WDR33: variants seen among roughly 807,000 people sequenced by gnomAD.
The protein encoded by WDR33 is pre-mRNA 3' end processing protein WDR33.
WDR33 carries 47 observed loss-of-function variants against 164.9 expected under a neutral mutation model. That is an observed-to-expected ratio of 0.29 (90% CI 0.23 to 0.36). The LOEUF is 0.36. Ranked by LOEUF, WDR33 falls within the 10% of genes least tolerant of loss-of-function variation. The probability of loss-of-function intolerance (pLI) is 1.00; values close to 1 mark genes in which losing one functional copy is unlikely to be tolerated. For missense variants in WDR33, 1,137 were observed against 1,754.1 expected (o/e 0.65, Z 6.28); for synonymous variants, 505 against 589.0 (o/e 0.86, Z 2.06).
At chr2:127,809,006 G>A (rs892042227) in intron 1 of WDR33, among the ~76,000 whole-genome samples, 7 of 144,976 alleles carry the variant, frequency 4.8e-5, no homozygotes, top group Non-Finnish European at 3.0e-5. Context: ...ACTCCAGCCT[G>A]GGCGACAGAG....
chr2:127,809,549 C>T (rs1689571959), intron 1 of WDR33, among the ~76,000 whole-genome samples: 1 of 150,196 alleles, frequency 6.7e-6, no homozygotes, highest in African/African-American at 2.5e-5. Context: ...GATTCTCTTG[C>T]CTCAGCCTCC....
At position 127,724,108 on chromosome 2, in the gene WDR33, T is replaced by C. The variant is rs1454774199; in HGVS notation, c.1196+225A>G. ...AAATAAATAAATAAAAGTGGAAAACTTCTGTTTTAAGTCAGAAGGCAAAAC... is the reference window on the plus strand; with the variant it reads ...AAATAAATAAATAAAAGTGGAAAACCTCTGTTTTAAGTCAGAAGGCAAAAC... On this transcript the variant is annotated intron_variant, in intron 11 of 21. Transcript: ENST00000322313. The surrounding 1 kb of genome is among the most constrained non-coding windows in gnomAD (Gnocchi z 4.8). 6.6e-6 allele frequency among the ~76,000 whole-genome samples: 1 copy of C among 152,074 alleles called. No individual in the cohort carries two copies. The highest frequency in any genetic ancestry group is 1.9e-4 in the East Asian group (1 of 5,196).
rs1686207193 is a variant in WDR33 at position 127,712,510 on chromosome 2, G to C, written c.3308+1073C>G. 1.3e-5 allele frequency among the ~76,000 whole-genome samples: 2 copies of C among 152,162 alleles called. No homozygotes were observed. The highest frequency in any genetic ancestry group is 1.3e-4 in the Admixed American group (2 of 15,282). ...CAGCATGGGCCTGAAGCCCAGCTCT[G>C]ACACCTACCACCTGCCAGACCTCGG... On this transcript the variant is annotated intron_variant, in intron 18 of 21. Transcript: ENST00000322313. This position sits in a 1 kb window ranked among gnomAD's most constrained non-coding sequence, Gnocchi z 4.0.
rs1428309742 is a variant in WDR33 at position 127,770,322 on chromosome 2, T to C, written c.204+456A>G. ...TCTTCCTAAATTAGCCAATTTGAAATTCCACCGTGTCCCACTAATTCAACT... is the reference window on the plus strand; with the variant it reads ...TCTTCCTAAATTAGCCAATTTGAAACTCCACCGTGTCCCACTAATTCAACT... On this transcript the variant is annotated intron_variant, in intron 2 of 21. Coordinates refer to ENST00000322313, the MANE Select transcript of WDR33 (RefSeq NM_018383.5). The surrounding 1 kb of genome is among the most constrained non-coding windows in gnomAD (Gnocchi z 4.9). Among the ~76,000 whole-genome samples the C allele has an allele frequency of 6.6e-6, 1 of 152,208 alleles. No individual in the cohort carries two copies. Among genetic ancestry groups the C allele is most frequent in the Non-Finnish European group, 1.5e-5 (1 of 68,034 alleles).
At chr2:127,715,651 T>C (rs1418220089) in intron 17 of WDR33, among the ~76,000 whole-genome samples, 4 of 152,232 alleles carry the variant, frequency 2.6e-5, no homozygotes, top group Non-Finnish European at 4.4e-5. Context: ...TGACATGATG[T>C]TGCTTGAACT....
At position 127,724,356 on chromosome 2, in the gene WDR33, G is replaced by A; in HGVS notation, c.1173C>T (p.Cys391=). Residue 391 remains cysteine, a synonymous_variant, in exon 11 of 22, where the codon TGC becomes TGT. Transcript: ENST00000322313. The surrounding 1 kb of genome is among the most constrained non-coding windows in gnomAD (Gnocchi z 4.8). ...ACCTAGTATGGTCATTTGAGCCTGA[G>A]CAGAGAATATGCCCAAGAGGATGCC... is the stretch of plus-strand genomic sequence containing the variant. ...LAWHPLGHIL[C]SGSNDHTSKF... is the part of the protein sequence containing the mutation. The A allele has an allele frequency of 6.2e-7, 1 of 1,614,074 alleles. No individual in the cohort carries two copies.
chr2:127,779,028 C>T (rs7597866), intron 1 of WDR33, among the ~76,000 whole-genome samples: 49,676 of 151,836 alleles, frequency 0.33, 9,270 homozygotes, highest in African/African-American at 0.51. Context: ...GGGGGTAGAG[C>T]GAGGCTCTGG....
intron 1 of WDR33, among the ~76,000 whole-genome samples, chr2:127,788,649 G>C (rs1474367128): frequency 6.8e-6 from 1 of 147,188 alleles, no homozygotes; most frequent in Non-Finnish European, 1.5e-5. Context: ...CGGGCGGGGG[G>C]CTGACCCCCC....
Position 127,701,942 on chromosome 2 carries a change from CGAA to C in WDR33, c.*4378_*4380del. On this transcript the variant is annotated 3_prime_UTR_variant, in exon 22 of 22. Transcript: ENST00000322313. The stretch of plus-strand genomic sequence containing the variant: ...CGGCGTGCGGACGCCTGCTGCGCTG[CGAA>C]GAAGCGCCGTCCCGGCCCGCGCTGC... 1.4e-6 allele frequency: 2 copies of C among 1,416,110 alleles called. No individual in the cohort carries two copies. Among genetic ancestry groups the C allele is most frequent in the Non-Finnish European group, 1.8e-6 (2 of 1,092,180 alleles). 87.7% of individuals were successfully genotyped at this position (1,416,110 alleles called of 1,614,324 possible). A position where few individuals can be genotyped will look rare whatever the true frequency, so the allele number is the denominator to read the frequency against.
Position 127,702,260 on chromosome 2 carries a change from G to T in WDR33, c.*4063C>A. The T allele has an allele frequency of 1.8e-6, 2 of 1,142,820 alleles. No homozygotes were observed. The highest frequency in any genetic ancestry group is 4.4e-5 in the South Asian group (1 of 22,918). 70.8% of individuals were successfully genotyped at this position (1,142,820 alleles called of 1,614,324 possible). ...CCGGCCGAGCTGAGGACTGCACGCC[G>T]CTGTGCGGAAGCCCGTGGCGAAGGC... On this transcript the variant is annotated 3_prime_UTR_variant, in exon 22 of 22. Transcript: ENST00000322313.
chr2:127,732,559 A>C (rs13393571), intron 7 of WDR33, among the ~76,000 whole-genome samples: 3,241 of 152,088 alleles, frequency 0.021, 124 homozygotes, highest in African/African-American at 0.075. Flanking sequence ...TTAACATGTG[A>C]TTTTATTACT....
rs1357506692 is a variant in WDR33, at chr2:127,709,402, G to A, written c.3565+88C>T. The A allele has an allele frequency of 3.1e-6, 4 of 1,299,104 alleles. No individual in the cohort carries two copies. Among genetic ancestry groups the A allele is most frequent in the Non-Finnish European group, 4.4e-6 (4 of 903,868 alleles). The allele number at this position is 1,299,104 out of a possible 1,614,324, so 80.5% of individuals were successfully genotyped here. A position where few individuals can be genotyped will look rare whatever the true frequency, so the allele number is the denominator to read the frequency against. ...CCCGGGAGACATGAGCTGGAAAGAG[G>A]AGACCCGGTGCACCCCAGAGAGGGC... On this transcript the variant is annotated intron_variant, in intron 20 of 21. Coordinates refer to ENST00000322313, the MANE Select transcript of WDR33 (RefSeq NM_018383.5). This position sits in a 1 kb window ranked among gnomAD's most constrained non-coding sequence, Gnocchi z 5.0.
intron 7 of WDR33, among the ~76,000 whole-genome samples, chr2:127,745,903 T>C (rs1687155182): frequency 6.6e-6 from 1 of 152,062 alleles, no homozygotes; most frequent in South Asian, 2.1e-4. Context: ...CAAGCTCCTG[T>C]AGTCCCAGCT....
In WDR33 at chr2:127,716,343, G is replaced by A. The variant is rs1686299546; in HGVS notation, c.2869+812C>T. On this transcript the variant is annotated intron_variant, in intron 17 of 21. Coordinates refer to ENST00000322313, the MANE Select transcript of WDR33 (RefSeq NM_018383.5). The surrounding 1 kb of genome is among the most constrained non-coding windows in gnomAD (Gnocchi z 4.5). ...GGCTTAGCCAATTAAAACTAAGAGA[G>A]TAAAGTTCTGTGAAGGGCAATCTCT... 6.6e-6 allele frequency among the ~76,000 whole-genome samples: 1 copy of A among 152,172 alleles called. No individual in the cohort carries two copies. Among genetic ancestry groups the A allele is most frequent in the African/African-American group, 2.4e-5 (1 of 41,432 alleles).
At chr2:127,754,966 C>A (rs1285643074) in intron 7 of WDR33, among the ~76,000 whole-genome samples, 1 of 152,084 alleles carries the variant, frequency 6.6e-6, no homozygotes, top group East Asian at 1.9e-4. Context: ...TAGTAAACTC[C>A]CCTCAAAAAT....
At chr2:127,793,021 TGAG>T (rs1034376868) in intron 1 of WDR33, among the ~76,000 whole-genome samples, 2 of 152,136 alleles carry the variant, frequency 1.3e-5, no homozygotes, top group African/African-American at 2.4e-5. Context: ...AGCATAAAAG[TGAG>T]GAGAAATTTC....
rs1408480343 is a variant in WDR33 at position 127,719,056 on chromosome 2, GAATA to G, written c.2760+205_2760+208del. 2.0e-5 allele frequency among the ~76,000 whole-genome samples: 3 copies of G among 152,236 alleles called. No individual in the cohort carries two copies. Among genetic ancestry groups the G allele is most frequent in the Non-Finnish European group, 4.4e-5 (3 of 68,044 alleles). ...AAGAAAAATGGTGAGAAGTAAAAATGAATACTGAGATGTACTTAATGGGAGTATA... is the reference window on the plus strand; with the variant it reads ...AAGAAAAATGGTGAGAAGTAAAAATGCTGAGATGTACTTAATGGGAGTATA... On this transcript the variant is annotated intron_variant, in intron 16 of 21. Coordinates refer to ENST00000322313, the MANE Select transcript of WDR33 (RefSeq NM_018383.5). This position sits in a 1 kb window ranked among gnomAD's most constrained non-coding sequence, Gnocchi z 6.5.
intron 4 of WDR33, among the ~76,000 whole-genome samples, chr2:127,765,738 A>G (rs1687801236): frequency 6.6e-6 from 1 of 151,968 alleles, no homozygotes. Flanking sequence ...AGATAATAAT[A>G]AGTACCGATT....
chr2:127,778,448 A>G (rs1208764408), intron 1 of WDR33, among the ~76,000 whole-genome samples: 2 of 151,562 alleles, frequency 1.3e-5, no homozygotes, highest in East Asian at 1.9e-4. Flanking sequence ...AGAAAAAAAA[A>G]AAAAAGAAAA....
Sources: allele counts gnomAD v4.1 joint callset (sites outside exome capture counted in the v4.1 genomes callset), GRCh38; gene constraint gnomAD v4.1.1; non-coding constraint Gnocchi (gnomAD v3.1); transcripts MANE v1.5; gene names NCBI Gene and HGNC (gene_info 2026-07-23, HGNC 2026-07-21).